The following SMC2 variants were observed in gnomAD, a reference collection of about 807,000 sequenced individuals.
SMC2 encodes the protein structural maintenance of chromosomes 2, also known as structural maintenance of chromosomes protein 2.
A neutral mutation model predicts 142.6 loss-of-function variants in SMC2; 41 were observed. That is an observed-to-expected ratio of 0.29 (90% CI 0.22 to 0.37). SMC2 has a LOEUF of 0.37. Ranked by LOEUF, SMC2 falls within the 10% of genes least tolerant of loss-of-function variation. The pLI, the probability that SMC2 is intolerant of heterozygous loss-of-function variation, is 1.00. For missense variants in SMC2, 1,265 were observed against 1,373.7 expected (o/e 0.92, Z 1.25); for synonymous variants, 463 against 457.5 (o/e 1.01, Z -0.15).
intron 9 of SMC2, among the ~76,000 whole-genome samples, chr9:104,109,836 A>C (rs934567536): frequency 5.9e-5 from 9 of 152,214 alleles, no homozygotes; most frequent in African/African-American, 1.9e-4. Context: ...CATAAAATAT[A>C]CAAAAATCTA....
intron 9 of SMC2, among the ~76,000 whole-genome samples, chr9:104,104,418 T>G (rs2122578): frequency 0.057 from 8,614 of 152,198 alleles, 651 homozygotes; most frequent in African/African-American, 0.18. Flanking sequence ...GAATTTTATT[T>G]GCACGTGCTC....
At chr9:104,118,995 G>A (rs973695714) in intron 15 of SMC2, among the ~76,000 whole-genome samples, 3 of 152,070 alleles carry the variant, frequency 2.0e-5, no homozygotes, top group Admixed American at 6.6e-5. Flanking sequence ...CTTAAATAAC[G>A]CACTACAGGG....
chr9:104,095,209 G>GT lies in SMC2; in HGVS notation c.-61-112dup, dbSNP rs1830319944. The GT allele has an allele frequency of 2.5e-5, 14 of 560,292 alleles. No homozygotes were observed. In the East Asian group the frequency reaches 4.0e-4, roughly 16 times the overall value. The allele number at this position is 560,292 out of a possible 1,614,324, so 34.7% of individuals were successfully genotyped here. The stretch of plus-strand genomic sequence containing the variant: ...CGATGTCTTTACATCAGACAAGATA[G>GT]TTTGTCAAGTGGCTGTTTTATTTCT... On this transcript the variant is annotated intron_variant, in intron 1 of 24. Coordinates refer to ENST00000374793, the MANE Select transcript of SMC2 (RefSeq NM_006444.3).
chr9:104,138,208 C>G (rs376330865), intron 24 of SMC2, 43 bp downstream of exon 24: 115 of 1,472,074 alleles, frequency 7.8e-5, no homozygotes, highest in Non-Finnish European at 1.0e-4. Context: ...TTTAATTAGA[C>G]TATTTTTCTA....
upstream of SMC2, among the ~76,000 whole-genome samples, chr9:104,091,546 TAAA>T (rs1461873900): frequency 6.6e-6 from 1 of 152,116 alleles, no homozygotes; most frequent in African/African-American, 2.4e-5. Flanking sequence ...TCTGAAAAAA[TAAA>T]AGTGCTGCTA....
At chr9:104,131,141 T>C (rs7040747) in intron 21 of SMC2, among the ~76,000 whole-genome samples, 8,614 of 152,168 alleles carry the variant, frequency 0.057, 652 homozygotes, top group African/African-American at 0.18. Flanking sequence ...GGAAGTCCCA[T>C]TGCTGTTCAT....
chr9:104,125,062 C>G lies in SMC2; in HGVS notation c.2408C>G (p.Thr803Arg). 1 of 1,593,858 alleles carries G rather than the reference C, an allele frequency of 6.3e-7. No homozygotes were observed. The highest frequency in any genetic ancestry group is 2.2e-5 in the East Asian group (1 of 44,516). Reference protein sequence around the residue: ...DAQKKLDCAKTKADASSKKMK... With the variant: ...DAQKKLDCAKRKADASSKKMK... ...CAGAAAAAACTGGATTGTGCCAAAA[C>G]AAAGGCAGATGCATCTAGCAAGAAG... The change falls in exon 18 of 25, where the codon ACA (threonine) becomes AGA (arginine). Residue 803 changes from threonine to arginine, a missense_variant. Around this residue, in one of 4 missense-constraint regions of SMC2, gnomAD observed 898 missense variants for 904.2 expected, o/e 0.99. Transcript: ENST00000374793.
At chr9:104,118,927 A>T (rs768759105) in intron 15 of SMC2, among the ~76,000 whole-genome samples, 7 of 152,198 alleles carry the variant, frequency 4.6e-5, no homozygotes, top group Non-Finnish European at 1.0e-4. Flanking sequence ...AACAACGATG[A>T]GGTAGGCATA....
At position 104,098,433 on chromosome 9, in the gene SMC2, C is replaced by T; in HGVS notation, c.319-13C>T. The T allele has an allele frequency of 6.4e-7, 1 of 1,562,592 alleles. No homozygotes were observed. Among genetic ancestry groups the T allele is most frequent in the South Asian group, 1.2e-5 (1 of 82,686 alleles). On this transcript the variant is annotated splice_polypyrimidine_tract_variant and intron_variant, in intron 3 of 24. Coordinates refer to ENST00000374793, the MANE Select transcript of SMC2 (RefSeq NM_006444.3). Reference sequence around the variant, plus strand: ...ATGTACATTAATATTTAAAAAATTGCTTTCTTTTATAGGTGGTTATTGGTG... The same window carrying T: ...ATGTACATTAATATTTAAAAAATTGTTTTCTTTTATAGGTGGTTATTGGTG...
intron 20 of SMC2, among the ~76,000 whole-genome samples, chr9:104,129,033 A>G (rs1474802087): frequency 1.3e-5 from 2 of 152,192 alleles, no homozygotes; most frequent in Non-Finnish European, 2.9e-5. Context: ...TACCTGACTT[A>G]CATTTCATTC....
At chr9:104,099,359 C>G (rs570511208) in intron 4 of SMC2, among the ~76,000 whole-genome samples, 1 of 152,154 alleles carries the variant, frequency 6.6e-6, no homozygotes, top group East Asian at 1.9e-4. Context: ...AATATTTCTA[C>G]TTAATGTTAA....
chr9:104,092,417 A>T (rs1056464805), upstream of SMC2: 1 of 152,254 alleles, frequency 6.6e-6, no homozygotes, highest in Non-Finnish European at 1.5e-5. Context: ...ATACCAAAAA[A>T]TCACTTTATT....
intron 13 of SMC2, among the ~76,000 whole-genome samples, chr9:104,115,909 T>C (rs575099739): frequency 6.6e-6 from 1 of 152,300 alleles, no homozygotes; most frequent in African/African-American, 2.4e-5. Flanking sequence ...TTTTTATTTG[T>C]TCAGCTTTTT....
intron 23 of SMC2, among the ~76,000 whole-genome samples, chr9:104,137,160 T>C (rs2131577374): frequency 6.6e-6 from 1 of 152,230 alleles, no homozygotes; most frequent in African/African-American, 2.4e-5. Flanking sequence ...CAAAAAAGAA[T>C]GCAGCAAGCA....
chr9:104,120,217 G>GA, intron 16 of SMC2, 55 bp downstream of exon 16: 1 of 1,440,976 alleles, frequency 6.9e-7, no homozygotes, highest in Non-Finnish European at 9.3e-7. Flanking sequence ...GAAAATGATA[G>GA]AAAATTTACT....
At position 104,114,745 on chromosome 9, in the gene SMC2, G is replaced by A. The variant is rs1173810529; in HGVS notation, c.1587G>A (p.Leu529=). 6 of 1,613,074 alleles carry A rather than the reference G, an allele frequency of 3.7e-6. No individual in the cohort carries two copies. The highest frequency in any genetic ancestry group is 2.2e-5 in the South Asian group (2 of 91,014). ...GTGTGAAAGGACTTGTGGCTTCTCT[G>A]ATTAGTGTGAAAGACACTTCTGCAA... The part of the protein sequence containing the change: ...RNCVKGLVAS[L]ISVKDTSATT... The change falls in exon 13 of 25, where the codon CTG becomes CTA. Residue 529 remains leucine, a synonymous_variant. Transcript: ENST00000374793.
intron 9 of SMC2, among the ~76,000 whole-genome samples, chr9:104,105,687 A>C (rs965176507): frequency 2.0e-5 from 3 of 152,058 alleles, no homozygotes; most frequent in Non-Finnish European, 4.4e-5. Context: ...GCACCCTTTT[A>C]TGTGACAGAT....
chr9:104,096,837 G>A (rs764694669), intron 3 of SMC2, among the ~76,000 whole-genome samples: 5 of 152,228 alleles, frequency 3.3e-5, no homozygotes, highest in South Asian at 2.1e-4. Flanking sequence ...TTTGTTCCTA[G>A]TTCCTTCACT....
At chr9:104,120,004 C>T (rs759639316) in intron 15 of SMC2, 23 bp from the exon 16 acceptor site, 2 of 1,612,426 alleles carry the variant, frequency 1.2e-6, no homozygotes, top group Non-Finnish European at 1.7e-6. Flanking sequence ...TGTGGAAGAC[C>T]TGTTTCAATT....
Sources: allele counts gnomAD v4.1 joint callset (sites outside exome capture counted in the v4.1 genomes callset), GRCh38; gene constraint gnomAD v4.1.1; regional missense constraint gnomAD v4.1.1; transcripts MANE v1.5; gene names NCBI Gene and HGNC (gene_info 2026-07-23, HGNC 2026-07-21).